The following GRIA1 variants were observed in gnomAD, a reference collection of about 807,000 sequenced individuals.
The protein encoded by GRIA1 is glutamate ionotropic receptor AMPA type subunit 1.
A neutral mutation model predicts 99.2 loss-of-function variants in GRIA1; 31 were observed. The observed-to-expected ratio is 0.31, with a 90% CI of 0.23 to 0.42. GRIA1 has a LOEUF of 0.42. GRIA1 is among the 10% of genes least tolerant of loss of function. The pLI, the probability that GRIA1 is intolerant of heterozygous loss-of-function variation, is 1.00. For synonymous variants in GRIA1, 438 were observed against 432.4 expected, an observed-to-expected ratio of 1.01 and a Z score of -0.16; for missense variants, 782 against 1,157.5, an observed-to-expected ratio of 0.68 and a Z score of 4.71.
intron 2 of GRIA1, among the ~76,000 whole-genome samples, chr5:153,629,329 C>A (rs976365479): frequency 6.6e-6 from 1 of 152,226 alleles, no homozygotes; most frequent in East Asian, 1.9e-4. Context: ...GGGGCCTTCA[C>A]AGCTTGCAGC....
chr5:153,662,187 C>A (rs941582040), intron 5 of GRIA1, among the ~76,000 whole-genome samples: 4 of 152,158 alleles, frequency 2.6e-5, no homozygotes, highest in African/African-American at 7.2e-5. Flanking sequence ...CTGGACACAC[C>A]CCTGTTCCCC....
At chr5:153,703,498 A>T (rs1282611043) in intron 10 of GRIA1, among the ~76,000 whole-genome samples, 1 of 152,226 alleles carries the variant, frequency 6.6e-6, no homozygotes, top group African/African-American at 2.4e-5. Flanking sequence ...TAATCCCAGC[A>T]CTTTGGGAGG....
At chr5:153,594,228 C>T (rs189018081) in intron 2 of GRIA1, among the ~76,000 whole-genome samples, 110 of 152,268 alleles carry the variant, frequency 7.2e-4, no homozygotes, top group Non-Finnish European at 1.3e-3. Flanking sequence ...GCTAGAAAGA[C>T]ATTCTGTAAG....
At chr5:153,596,520 G>A (rs1241526094) in intron 2 of GRIA1, among the ~76,000 whole-genome samples, 7 of 152,180 alleles carry the variant, frequency 4.6e-5, no homozygotes, top group Non-Finnish European at 1.0e-4. Flanking sequence ...GGGAAATGGA[G>A]GCCCCTGATT....
At chr5:153,570,437 A>G (rs1054614417) in intron 2 of GRIA1, among the ~76,000 whole-genome samples, 3 of 152,222 alleles carry the variant, frequency 2.0e-5, no homozygotes, top group Non-Finnish European at 4.4e-5. Context: ...ATTTGAGTTT[A>G]CAAAGCATTC....
upstream of GRIA1, chr5:153,489,922 C>A: frequency 2.2e-6 from 1 of 448,104 alleles, no homozygotes; most frequent in Non-Finnish European, 4.5e-6. Flanking sequence ...GAGAAGGGGG[C>A]CCATTTTAAA....
intron 4 of GRIA1, among the ~76,000 whole-genome samples, chr5:153,651,037 C>G (rs932677514): frequency 6.6e-6 from 1 of 151,938 alleles, no homozygotes; most frequent in Non-Finnish European, 1.5e-5. Flanking sequence ...CAAGATTGTG[C>G]TACTGCACTC....
At chr5:153,604,673 C>A (rs943296433) in intron 2 of GRIA1, among the ~76,000 whole-genome samples, 1 of 152,108 alleles carries the variant, frequency 6.6e-6, no homozygotes, top group Non-Finnish European at 1.5e-5. Context: ...ACCACCTAAG[C>A]ATGCATTTCT....
chr5:153,581,996 G>A (rs1763086245), intron 2 of GRIA1, among the ~76,000 whole-genome samples: 1 of 152,168 alleles, frequency 6.6e-6, no homozygotes, highest in Non-Finnish European at 1.5e-5. Context: ...GGTCTCATGT[G>A]ATCTACGTGC....
intron 11 of GRIA1, among the ~76,000 whole-genome samples, chr5:153,729,839 A>G (rs944154211): frequency 1.3e-5 from 2 of 152,092 alleles, no homozygotes; most frequent in African/African-American, 4.8e-5. Flanking sequence ...AAACAACTTA[A>G]TCAATCAATG....
chr5:153,646,777 T>G, intron 2 of GRIA1, 151 bp from the exon 3 acceptor site: 1 of 781,830 alleles, frequency 1.3e-6, no homozygotes, highest in Non-Finnish European at 2.1e-6. Context: ...GATGAATGGA[T>G]GGATTGGTTT....
At chr5:153,560,292 G>A (rs1279718899) in intron 2 of GRIA1, among the ~76,000 whole-genome samples, 1 of 152,140 alleles carries the variant, frequency 6.6e-6, no homozygotes, top group Non-Finnish European at 1.5e-5. Context: ...TTTGCTCTGG[G>A]TTATGGACTT....
intron 11 of GRIA1, among the ~76,000 whole-genome samples, chr5:153,733,482 C>A (rs1039541461): frequency 6.6e-6 from 1 of 151,968 alleles, no homozygotes; most frequent in Non-Finnish European, 1.5e-5. Flanking sequence ...AAACAATGAA[C>A]AAAATGTCAA....
intron 9 of GRIA1, 95 bp downstream of exon 9, chr5:153,698,249 C>A (rs949044131): frequency 3.1e-6 from 2 of 642,060 alleles, no homozygotes; most frequent in Non-Finnish European, 5.6e-6. Flanking sequence ...TTTCTTCTTG[C>A]CAAAACTGTG....
At chr5:153,798,303 G>A (rs78446565) in intron 14 of GRIA1, among the ~76,000 whole-genome samples, 5,983 of 152,234 alleles carry the variant, frequency 0.039, 356 homozygotes, top group African/African-American at 0.13. Flanking sequence ...TCAGGGAAAC[G>A]GTCCTTAAGC....
At chr5:153,747,779 G>A (rs947025879) in intron 11 of GRIA1, among the ~76,000 whole-genome samples, 2 of 152,184 alleles carry the variant, frequency 1.3e-5, no homozygotes, top group Non-Finnish European at 2.9e-5. Context: ...TTTCCCAGTG[G>A]GGTGTAGCCT....
Position 153,535,307 on chromosome 5 carries a change from G to A in GRIA1, c.220+41242G>A, listed in dbSNP as rs150432414. Among the ~76,000 whole-genome samples, 26 of 152,280 alleles carry A rather than the reference G, an allele frequency of 1.7e-4. No homozygotes were observed. The East Asian group carries it at 2.7e-3, about 16-fold the overall frequency. On this transcript the variant is annotated intron_variant, in intron 2 of 15. Transcript: ENST00000285900. ...CATGTAAATTTAGAATGTCAAACAC[G>A]TACAGACTAATGCTATTTACCCACC...
intron 7 of GRIA1, among the ~76,000 whole-genome samples, chr5:153,680,516 A>C (rs377273087): frequency 3.0e-4 from 45 of 152,318 alleles, no homozygotes; most frequent in African/African-American, 1.1e-3. Context: ...ATATGTGTAC[A>C]TACATAATTT....
chr5:153,790,835 A>G (rs1168288637), intron 13 of GRIA1, among the ~76,000 whole-genome samples: 3 of 152,168 alleles, frequency 2.0e-5, no homozygotes, highest in Non-Finnish European at 4.4e-5. Flanking sequence ...ATATCTAGAA[A>G]CTACTGCTAG....
Sources: gnomAD v4.1 joint callset for allele counts (sites outside exome capture counted in the v4.1 genomes callset) on GRCh38, gnomAD v4.1.1 for gene constraint, MANE v1.5 for transcripts, NCBI Gene and HGNC (gene_info 2026-07-23, HGNC 2026-07-21) for gene names.